The following DCBLD2 variants were observed in gnomAD, a reference collection of about 807,000 sequenced individuals.
DCBLD2 encodes the protein discoidin, CUB and LCCL domain-containing protein 2.
In DCBLD2, 54 loss-of-function variants were observed where a neutral mutation model predicts 86.8. That is an observed-to-expected ratio of 0.62 (90% CI 0.50 to 0.78). DCBLD2 has a LOEUF of 0.78. DCBLD2 is among the 30% of genes least tolerant of loss of function. DCBLD2 has a pLI of 0.00. For missense variants in DCBLD2, 908 were observed against 954.2 expected (o/e 0.95, Z 0.64); for synonymous variants, 354 against 341.3 (o/e 1.04, Z -0.41).
chr3:98,810,515 A>T (rs1430928180), intron 12 of DCBLD2, among the ~76,000 whole-genome samples: 2 of 152,206 alleles, frequency 1.3e-5, no homozygotes, highest in Non-Finnish European at 2.9e-5. Context: ...TTTATGTGAC[A>T]ACTCTGATAC....
chr3:98,799,267 T>A lies in DCBLD2; in HGVS notation c.*105A>T. ...CAGTCACCACATTTTCCCCAACCAC[T>A]TCAGTGACAGTTATGTAATACATTC... On this transcript the variant is annotated 3_prime_UTR_variant, in exon 16 of 16. Coordinates refer to ENST00000326840, the MANE Select transcript of DCBLD2 (RefSeq NM_080927.4). 1 of 1,258,588 alleles carries A rather than the reference T, an allele frequency of 7.9e-7. No homozygotes were observed. The highest frequency in any genetic ancestry group is 1.1e-6 in the Non-Finnish European group (1 of 915,988). The allele number at this position is 1,258,588 out of a possible 1,614,324, so 78.0% of individuals were successfully genotyped here.
intron 3 of DCBLD2, among the ~76,000 whole-genome samples, chr3:98,835,938 C>CTT (rs66958811): frequency 0.012 from 1,431 of 115,026 alleles, 18 homozygotes; most frequent in South Asian, 0.023. Flanking sequence ...TCCTTTCTTT[C>CTT]TTTTTTTTTT....
intron 13 of DCBLD2, among the ~76,000 whole-genome samples, chr3:98,805,239 AT>A: frequency 1.3e-5 from 2 of 152,310 alleles, no homozygotes; most frequent in Non-Finnish European, 2.9e-5. Context: ...ATAATAAAAA[AT>A]TTGTGGAAAA....
intron 3 of DCBLD2, among the ~76,000 whole-genome samples, chr3:98,840,690 G>T (rs964102435): frequency 1.3e-5 from 2 of 152,054 alleles, no homozygotes; most frequent in African/African-American, 4.8e-5. Flanking sequence ...AAAGATGGGG[G>T]TCTCACTACC....
At chr3:98,884,890 G>T (rs772765377) in intron 1 of DCBLD2, among the ~76,000 whole-genome samples, 1 of 152,050 alleles carries the variant, frequency 6.6e-6, no homozygotes, top group Non-Finnish European at 1.5e-5. Flanking sequence ...TTCAACTTAC[G>T]GTTGTCATTT....
intron 9 of DCBLD2, chr3:98,813,974 G>C (rs1941982602): frequency 6.6e-6 from 1 of 152,150 alleles, no homozygotes; most frequent in African/African-American, 2.4e-5. Flanking sequence ...AAAGAGCCCT[G>C]TTTGTTCTCT....
chr3:98,820,375 C>T, intron 6 of DCBLD2, 87 bp from the exon 7 acceptor site: 1 of 1,001,594 alleles, frequency 1.0e-6, no homozygotes, highest in Non-Finnish European at 1.4e-6. Flanking sequence ...TGATTTGGTT[C>T]CCCCCACCCA....
intron 3 of DCBLD2, among the ~76,000 whole-genome samples, chr3:98,841,196 T>G (rs573672694): frequency 6.6e-6 from 1 of 152,102 alleles, no homozygotes; most frequent in South Asian, 2.1e-4. Context: ...CAGGATAATG[T>G]GATTGTGAGA....
intron 2 of DCBLD2, among the ~76,000 whole-genome samples, chr3:98,875,276 G>C (rs1341814753): frequency 6.6e-6 from 1 of 152,068 alleles, no homozygotes; most frequent in African/African-American, 2.4e-5. Context: ...ACCCGTTACA[G>C]GATATAACAG....
intron 2 of DCBLD2, among the ~76,000 whole-genome samples, chr3:98,871,892 T>C (rs1380557704): frequency 6.6e-6 from 1 of 152,206 alleles, no homozygotes; most frequent in African/African-American, 2.4e-5. Context: ...CAGCTGTGAA[T>C]CCATCTGGTC....
chr3:98,890,529 C>G (rs904426621), intron 1 of DCBLD2: 1 of 152,012 alleles, frequency 6.6e-6, no homozygotes, highest in Non-Finnish European at 1.5e-5. Context: ...ACACACAGAT[C>G]TACATATCCA....
At chr3:98,843,029 G>C (rs35239055) in intron 3 of DCBLD2, among the ~76,000 whole-genome samples, 9,309 of 152,128 alleles carry the variant, frequency 0.061, 343 homozygotes, top group Non-Finnish European at 0.071. Flanking sequence ...CTAACAGCTT[G>C]GAATAAACTC....
In DCBLD2 at chr3:98,805,496, T is replaced by G. The variant is rs186351067; in HGVS notation, c.1670+2585A>C. ...ATTTTATACACATAAGTGACAAAGC[T>G]TCTGGTTACTTATTCATTACGTATA... On this transcript the variant is annotated intron_variant, in intron 13 of 15. Coordinates refer to ENST00000326840, the MANE Select transcript of DCBLD2 (RefSeq NM_080927.4). Among the ~76,000 whole-genome samples, 540 of 152,294 alleles carry G rather than the reference T, an allele frequency of 3.5e-3. 5 individuals carry two copies. Among genetic ancestry groups the G allele is most frequent in the African/African-American group, 9.5e-3 (396 of 41,562 alleles).
At chr3:98,826,048 G>T (rs1942214249) in intron 3 of DCBLD2, among the ~76,000 whole-genome samples, 1 of 151,906 alleles carries the variant, frequency 6.6e-6, no homozygotes, top group Admixed American at 6.6e-5. Flanking sequence ...TTGCTCTAAA[G>T]AAATAAAACT....
At chr3:98,862,672 C>A (rs1219080425) in intron 2 of DCBLD2, among the ~76,000 whole-genome samples, 4 of 152,094 alleles carry the variant, frequency 2.6e-5, no homozygotes, top group African/African-American at 9.7e-5. Context: ...ATTCAACAGC[C>A]TTTTATCCTA....
intron 3 of DCBLD2, among the ~76,000 whole-genome samples, chr3:98,834,969 T>C (rs1458440078): frequency 8.2e-6 from 1 of 121,788 alleles, no homozygotes; most frequent in Admixed American, 8.6e-5. Context: ...ACTTGCACAT[T>C]CTTTTTTTTT....
chr3:98,831,193 C>T (rs1050079742), intron 3 of DCBLD2, among the ~76,000 whole-genome samples: 11 of 150,780 alleles, frequency 7.3e-5, no homozygotes, highest in African/African-American at 2.7e-4. Context: ...GCACATGCCA[C>T]CATGCTGAGC....
intron 4 of DCBLD2, among the ~76,000 whole-genome samples, chr3:98,823,814 A>G (rs964302541): frequency 6.6e-6 from 1 of 152,196 alleles, no homozygotes; most frequent in African/African-American, 2.4e-5. Flanking sequence ...AAATTAAGGA[A>G]CTGTATGCCC....
Position 98,835,922 on chromosome 3 carries a change from C to T in DCBLD2, c.572-10556G>A, listed in dbSNP as rs560438834. On this transcript the variant is annotated intron_variant, in intron 3 of 15. Transcript: ENST00000326840. ...TGAATTTTTCTTTCTTTCTTTCTTTCTTCCTTCCTTTCTTTCTTTTTTTTT... is the reference window on the plus strand; with the variant it reads ...TGAATTTTTCTTTCTTTCTTTCTTTTTTCCTTCCTTTCTTTCTTTTTTTTT... Among the ~76,000 whole-genome samples, 28 of 33,676 alleles carry T rather than the reference C, an allele frequency of 8.3e-4. No homozygotes were observed. In the East Asian group the frequency reaches 0.031, roughly 37 times the overall value. 22.1% of individuals were successfully genotyped at this position (33,676 alleles called of 152,430 possible).
Sources: gnomAD v4.1 joint callset for allele counts (sites outside exome capture counted in the v4.1 genomes callset) on GRCh38, gnomAD v4.1.1 for gene constraint, MANE v1.5 for transcripts, NCBI Gene and HGNC (gene_info 2026-07-23, HGNC 2026-07-21) for gene names.